Variants in DLGAP1 observed in about 807,000 individuals in gnomAD.
The protein encoded by DLGAP1 is disks large-associated protein 1.
A neutral mutation model predicts 90.8 loss-of-function variants in DLGAP1; 11 were observed. That is an observed-to-expected ratio of 0.12 (90% confidence interval 0.08 to 0.20). The LOEUF (loss-of-function observed/expected upper bound fraction) is 0.20. DLGAP1 is among the 10% of genes least tolerant of loss of function. The pLI is 1.00. For synonymous variants in DLGAP1, 558 were observed against 540.7 expected, an observed-to-expected ratio of 1.03 and a Z score of -0.44; for missense variants, 1,050 against 1,333.8, an observed-to-expected ratio of 0.79 and a Z score of 3.31.
chr18:4,221,841 A>G (rs1230347855), intron 1 of DLGAP1, among the ~76,000 whole-genome samples: 1 of 152,160 alleles, frequency 6.6e-6, no homozygotes, highest in Non-Finnish European at 1.5e-5. Context: ...TTACATGTCA[A>G]TAAGTTAAAT....
intron 5 of DLGAP1, among the ~76,000 whole-genome samples, chr18:3,770,588 T>G (rs1385647047): frequency 1.3e-5 from 2 of 152,052 alleles, no homozygotes; most frequent in African/African-American, 4.8e-5. Flanking sequence ...AGCTCTGAAA[T>G]TTATACTTAG....
rs184328312 is a variant in DLGAP1 at position 3,499,284 on chromosome 18, C to T, written c.2835G>A (p.Leu945=). ...SSQRQEARKR[L]MAAKRAASVR... ...CGGACGCGGCGCGCTTGGCGGCCAT[C>T]AGGCGCTTGCGGGCCTCCTGGCGCT... is the stretch of plus-strand genomic sequence containing the variant. Residue 945 remains leucine (L), a synonymous_variant, in exon 13 of 13, where the codon CTG becomes CTA. Transcript: ENST00000315677. This position sits in a 1 kb window ranked among gnomAD's most constrained non-coding sequence, Gnocchi z 6.4. 1 of 1,595,036 alleles carries T rather than the reference C, an allele frequency of 6.3e-7. No individual in the cohort carries two copies. Among genetic ancestry groups the T allele is most frequent in the Non-Finnish European group, 8.5e-7 (1 of 1,171,740 alleles).
chr18:4,023,476 G>T lies in DLGAP1; in HGVS notation c.-158-18275C>A, dbSNP rs1049540514. 1.3e-5 allele frequency among the ~76,000 whole-genome samples: 2 copies of T among 152,050 alleles called. 1 individual carries two copies. The highest frequency in any genetic ancestry group is 4.1e-4 in the South Asian group (2 of 4,822). ...GTTTTCCCTTTCAGCAAGTGTATTCGCATTCTTGTACTTTCTTGGAACCTA... is the reference window on the plus strand; with the variant it reads ...GTTTTCCCTTTCAGCAAGTGTATTCTCATTCTTGTACTTTCTTGGAACCTA... On this transcript the variant is annotated intron_variant, in intron 2 of 12. Transcript: ENST00000315677.
At chr18:3,984,415 G>T (rs2073801081) in intron 3 of DLGAP1, among the ~76,000 whole-genome samples, 1 of 152,138 alleles carries the variant, frequency 6.6e-6, no homozygotes, top group South Asian at 2.1e-4. Context: ...TCCCAAGTCT[G>T]CACTGACTAA....
intron 1 of DLGAP1, among the ~76,000 whole-genome samples, chr18:4,208,941 A>C (rs779024190): frequency 2.0e-5 from 3 of 152,204 alleles, no homozygotes; most frequent in Non-Finnish European, 4.4e-5. Flanking sequence ...GAAAGCAGAG[A>C]GAGCTCCCAC....
At chr18:4,344,034 G>A (rs1003372453) in intron 1 of DLGAP1, among the ~76,000 whole-genome samples, 7 of 152,156 alleles carry the variant, frequency 4.6e-5, no homozygotes, top group Non-Finnish European at 1.0e-4. Flanking sequence ...GGTGTCCTGA[G>A]ATTTTGAATG....
chr18:3,578,114 T>G (rs958249812), intron 8 of DLGAP1, among the ~76,000 whole-genome samples: 6 of 152,170 alleles, frequency 3.9e-5, no homozygotes, highest in Non-Finnish European at 7.3e-5. Context: ...ATTTTCCAGA[T>G]GAAGAATCTG....
intron 9 of DLGAP1, among the ~76,000 whole-genome samples, chr18:3,551,608 T>TTTCTTC (rs2053432704): frequency 2.1e-5 from 2 of 93,514 alleles, no homozygotes; most frequent in South Asian, 7.2e-4. Context: ...TCTTTTTCTT[T>TTTCTTC]CTTTCTTTCT....
intron 3 of DLGAP1, among the ~76,000 whole-genome samples, chr18:3,927,014 T>G (rs2072407285): frequency 6.6e-6 from 1 of 152,180 alleles, no homozygotes; most frequent in African/African-American, 2.4e-5. Flanking sequence ...TAAAAAAATT[T>G]AAGCAGTACA....
At chr18:4,076,726 C>T (rs529744488) in intron 2 of DLGAP1, among the ~76,000 whole-genome samples, 10 of 152,088 alleles carry the variant, frequency 6.6e-5, no homozygotes, top group Admixed American at 5.2e-4. Flanking sequence ...AGGGTTCAAG[C>T]GATTCCCCTG....
At position 3,951,780 on chromosome 18, in the gene DLGAP1, C is replaced by G. The variant is rs193248829; in HGVS notation, c.-73+53336G>C. On this transcript the variant is annotated intron_variant, in intron 3 of 12. Coordinates refer to ENST00000315677, the MANE Select transcript of DLGAP1 (RefSeq NM_004746.4). ...GATGGTTTTATAAGGAGCTCTTCCC[C>G]CTTCACACATTTTTTTCTCTCTTGT... is the stretch of plus-strand genomic sequence containing the variant. 2.0e-4 allele frequency among the ~76,000 whole-genome samples: 31 copies of G among 152,266 alleles called. 1 individual carries two copies. In the South Asian group the frequency reaches 5.8e-3, roughly 29 times the overall value.
chr18:3,692,320 C>T (rs1046016752), intron 7 of DLGAP1, among the ~76,000 whole-genome samples: 5 of 152,142 alleles, frequency 3.3e-5, no homozygotes, highest in Admixed American at 3.3e-4. Flanking sequence ...TTCCCCTCTA[C>T]AAACCATTAA....
intron 2 of DLGAP1, among the ~76,000 whole-genome samples, chr18:4,119,257 A>G (rs564439052): frequency 6.6e-5 from 10 of 151,922 alleles, no homozygotes; most frequent in African/African-American, 2.2e-4. Context: ...ATGTCTGGTT[A>G]ATTTTCCTTT....
intron 2 of DLGAP1, among the ~76,000 whole-genome samples, chr18:4,075,197 C>T (rs144137740): frequency 1.4e-3 from 220 of 152,284 alleles, no homozygotes; most frequent in Admixed American, 3.0e-3. Flanking sequence ...TCAGTGGCAA[C>T]AGTTTCTCCA....
At chr18:3,916,915 G>T (rs1281570131) in intron 3 of DLGAP1, among the ~76,000 whole-genome samples, 1 of 152,202 alleles carries the variant, frequency 6.6e-6, no homozygotes, top group East Asian at 1.9e-4. Flanking sequence ...TGATGGTTTG[G>T]TGTAGGATTT....
At chr18:3,810,001 T>A (rs1266363305) in intron 5 of DLGAP1, among the ~76,000 whole-genome samples, 2 of 152,224 alleles carry the variant, frequency 1.3e-5, no homozygotes, top group African/African-American at 2.4e-5. Flanking sequence ...AATTTACTAT[T>A]AAACATTCAG....
intron 1 of DLGAP1, among the ~76,000 whole-genome samples, chr18:4,216,860 A>G (rs1171663371): frequency 6.6e-6 from 1 of 152,070 alleles, no homozygotes; most frequent in African/African-American, 2.4e-5. Flanking sequence ...ATTGCAATTG[A>G]TGAGCCAATA....
chr18:4,007,654 T>TCAAACAAACAAACAAACAAA (rs58276911), intron 2 of DLGAP1, among the ~76,000 whole-genome samples: 4 of 151,708 alleles, frequency 2.6e-5, no homozygotes, highest in African/African-American at 9.7e-5. Flanking sequence ...AGGCTCCATC[T>TCAAACAAACAAACAAACAAA]CAAACAAACA....
intron 7 of DLGAP1, among the ~76,000 whole-genome samples, chr18:3,706,348 T>C (rs2061432671): frequency 6.6e-6 from 1 of 152,166 alleles, no homozygotes. Context: ...ATGGCCAGCA[T>C]GCATTTAATA....
Sources: allele counts gnomAD v4.1 joint callset (sites outside exome capture counted in the v4.1 genomes callset), GRCh38; gene constraint gnomAD v4.1.1; non-coding constraint Gnocchi (gnomAD v3.1); transcripts MANE v1.5; gene names NCBI Gene and HGNC (gene_info 2026-07-23, HGNC 2026-07-21).